The following HADHB variants were observed in gnomAD, a reference collection of about 807,000 sequenced individuals.
The protein encoded by HADHB is trifunctional enzyme subunit beta, mitochondrial.
In HADHB, 50 loss-of-function variants were observed where a neutral mutation model predicts 61.9. That is an observed-to-expected ratio of 0.81 (90% CI 0.64 to 1.02). The LOEUF (loss-of-function observed/expected upper bound fraction) is 1.02. Among genes scored for constraint, HADHB ranks in the 50% least tolerant of loss-of-function variants. The pLI, the probability that HADHB is intolerant of heterozygous loss-of-function variation, is 0.00. For synonymous variants in HADHB, 191 were observed against 201.6 expected, an observed-to-expected ratio of 0.95 and a Z score of 0.45; for missense variants, 504 against 586.5, an observed-to-expected ratio of 0.86 and a Z score of 1.45.
chr2:26,250,655 T>G (rs1350276479), intron 1 of HADHB, among the ~76,000 whole-genome samples: 2 of 146,162 alleles, frequency 1.4e-5, no homozygotes, highest in Non-Finnish European at 3.0e-5. Flanking sequence ...CTCTAAAGTT[T>G]TTTTTTTTTT....
At chr2:26,264,907 A>G in intron 4 of HADHB, among the ~76,000 whole-genome samples, 1 of 151,320 alleles carries the variant, frequency 6.6e-6, no homozygotes, top group East Asian at 2.0e-4. Flanking sequence ...TGAGAATCTC[A>G]TGAACCCAAG....
At chr2:26,261,342 T>A in intron 3 of HADHB, 1 of 323,028 alleles carries the variant, frequency 3.1e-6, no homozygotes, top group Non-Finnish European at 5.7e-6. Flanking sequence ...CTGCTTTCCT[T>A]CTGTATTCTA....
Position 26,249,384 on chromosome 2 carries a change from G to A in HADHB, c.-9+4394G>A, listed in dbSNP as rs191161925. Among the ~76,000 whole-genome samples, 169 of 151,922 alleles carry A rather than the reference G, an allele frequency of 1.1e-3. 1 individual carries two copies. The highest frequency in any genetic ancestry group is 3.9e-3 in the African/African-American group (162 of 41,420). ...AAATTAGCCTGGTATGGTGGTGTGC[G>A]CCTGTAGTCCCAGTTACTCGGGAGG... On this transcript the variant is annotated intron_variant, in intron 1 of 15. Transcript: ENST00000317799.
chr2:26,257,198 G>A (rs1056009242), intron 3 of HADHB, among the ~76,000 whole-genome samples: 2 of 148,694 alleles, frequency 1.3e-5, no homozygotes, highest in African/African-American at 5.0e-5. Context: ...TCGGCTCACT[G>A]CAAGCTCTGC....
chr2:26,273,422 T>C (rs1273290879), intron 5 of HADHB, among the ~76,000 whole-genome samples: 1 of 152,228 alleles, frequency 6.6e-6, no homozygotes, highest in Non-Finnish European at 1.5e-5. Context: ...TTTTATTCTC[T>C]AACTTCTCAT....
chr2:26,283,196 A>G (rs919388809), intron 12 of HADHB, 145 bp downstream of exon 12: 3 of 717,320 alleles, frequency 4.2e-6, no homozygotes, highest in Non-Finnish European at 7.4e-6. Flanking sequence ...CCCTGAGTTC[A>G]TAATTGGTTT....
At chr2:26,285,650 CCTT>C in intron 15 of HADHB, 79 bp downstream of exon 15, 2 of 1,225,990 alleles carry the variant, frequency 1.6e-6, no homozygotes, top group Non-Finnish European at 2.3e-6. Context: ...TAGTTTGAAA[CCTT>C]CTTAAAGCAA....
At chr2:26,268,784 T>A (rs1672206180) in intron 4 of HADHB, among the ~76,000 whole-genome samples, 2 of 152,244 alleles carry the variant, frequency 1.3e-5, no homozygotes, top group South Asian at 4.1e-4. Flanking sequence ...TAGTGAATAG[T>A]ATTGTGCCAA....
At chr2:26,261,997 G>A (rs1671885093) in intron 3 of HADHB, among the ~76,000 whole-genome samples, 1 of 151,886 alleles carries the variant, frequency 6.6e-6, no homozygotes, top group Admixed American at 6.6e-5. Flanking sequence ...CACATGCTTG[G>A]GTTTGCCACA....
chr2:26,282,469 C>T (rs11885223), intron 10 of HADHB, among the ~76,000 whole-genome samples: 3,545 of 152,076 alleles, frequency 0.023, 130 homozygotes, highest in African/African-American at 0.08. Context: ...ACCGCGTTAG[C>T]CAGGATGGTC....
In HADHB at chr2:26,282,910, G is replaced by A. The variant is rs199604714; in HGVS notation, c.999G>A (p.Pro333=). The change falls in exon 11 of 16, where the codon CCG becomes CCA. Residue 333 remains proline, a synonymous_variant. Transcript: ENST00000317799. ...AGGCTCTGGCCATGGGTTATAAGCC[G>A]AAGGCATATTTGAGGTAAAGTAAAT... The part of the protein sequence containing the change: ...EEKALAMGYK[P]KAYLRDFMYV... 3.7e-5 allele frequency: 59 copies of A among 1,610,750 alleles called. No individual in the cohort carries two copies. Among genetic ancestry groups the A allele is most frequent in the Non-Finnish European group, 4.6e-5 (54 of 1,177,116 alleles).
At chr2:26,289,205 G>A (rs1036553600) in intron 15 of HADHB, among the ~76,000 whole-genome samples, 6 of 152,044 alleles carry the variant, frequency 3.9e-5, no homozygotes, top group African/African-American at 1.2e-4. Flanking sequence ...AGCTGAGATC[G>A]CGTCACTGTA....
At chr2:26,273,502 A>G (rs1043078476) in intron 5 of HADHB, 149 bp from the exon 6 acceptor site, 19 of 661,460 alleles carry the variant, frequency 2.9e-5, no homozygotes, top group Non-Finnish European at 4.2e-5. Flanking sequence ...AGAAGGTGCC[A>G]AATGCTTGTC....
intron 1 of HADHB, among the ~76,000 whole-genome samples, chr2:26,252,313 C>T (rs1294609558): frequency 6.6e-6 from 1 of 152,162 alleles, no homozygotes; most frequent in Non-Finnish European, 1.5e-5. Context: ...TATTGGGGGG[C>T]AACTTGGAGG....
intron 3 of HADHB, 24 bp downstream of exon 3, chr2:26,254,498 A>T (rs746155720): frequency 1.8e-5 from 27 of 1,463,264 alleles, no homozygotes; most frequent in Non-Finnish European, 2.6e-5. Flanking sequence ...TAAAATAAAT[A>T]TTTCTGATTT....
chr2:26,266,871 C>CAAAAAAAAAAAAAAAAA lies in HADHB; in HGVS notation c.210-3075_210-3059dup, dbSNP rs56401595. On this transcript the variant is annotated intron_variant, in intron 4 of 15. Coordinates refer to ENST00000317799, the MANE Select transcript of HADHB (RefSeq NM_000183.3). ...GGTGATGGAGTGAGACACTCTCTCT[C>CAAAAAAAAAAAAAAAAA]AAAAAAAAAAAAAAAAAAAAAAAGG... Among the ~76,000 whole-genome samples the CAAAAAAAAAAAAAAAAA allele has an allele frequency of 6.6e-4, 30 of 45,420 alleles. 3 individuals carry two copies. The highest frequency in any genetic ancestry group is 2.4e-3 in the African/African-American group (24 of 10,124). The allele number at this position is 45,420 out of a possible 152,430, so 29.8% of individuals were successfully genotyped here.
chr2:26,261,211 T>TACC (rs1671847895), intron 3 of HADHB: 2 of 300,434 alleles, frequency 6.7e-6, no homozygotes, highest in South Asian at 1.5e-4. Context: ...ACACAACAAA[T>TACC]ACCCCCCCCC....
At chr2:26,268,150 AAAAT>A (rs778766087) in intron 4 of HADHB, among the ~76,000 whole-genome samples, 17 of 152,088 alleles carry the variant, frequency 1.1e-4, no homozygotes, top group Non-Finnish European at 1.8e-4. Context: ...TCAAAAAATA[AAAAT>A]AAATAAAGAA....
intron 10 of HADHB, among the ~76,000 whole-genome samples, chr2:26,280,988 C>T (rs889666865): frequency 1.3e-5 from 2 of 151,206 alleles, no homozygotes; most frequent in East Asian, 1.9e-4. Context: ...ACTGGGAAGT[C>T]GCAGAAGACA....
Sources: allele counts gnomAD v4.1 joint callset (sites outside exome capture counted in the v4.1 genomes callset), GRCh38; gene constraint gnomAD v4.1.1; transcripts MANE v1.5; gene names NCBI Gene and HGNC (gene_info 2026-07-23, HGNC 2026-07-21).